PTPRN2: variants seen among roughly 807,000 people sequenced by gnomAD.
The protein encoded by PTPRN2 is receptor-type tyrosine-protein phosphatase N2.
Under a neutral mutation model 118.8 loss-of-function variants are expected in PTPRN2, and 74 were observed. That is an observed-to-expected ratio of 0.62 (90% CI 0.52 to 0.76). The LOEUF (loss-of-function observed/expected upper bound fraction) is 0.76. Ranked by LOEUF, PTPRN2 falls within the 30% of genes least tolerant of loss-of-function variation. The pLI, the probability that PTPRN2 is intolerant of heterozygous loss-of-function variation, is 0.00. For missense variants in PTPRN2, 1,481 were observed against 1,394.4 expected (o/e 1.06, Z -0.99); for synonymous variants, 641 against 608.0 (o/e 1.05, Z -0.80).
intron 10 of PTPRN2, among the ~76,000 whole-genome samples, chr7:158,097,974 G>C (rs116462600): frequency 6.6e-6 from 1 of 152,134 alleles, no homozygotes; most frequent in African/African-American, 2.4e-5. Context: ...CCGCGTGGCC[G>C]TGTCTCCCGC....
chr7:158,319,511 ACACACACAGCCTCCCT>A lies in PTPRN2; in HGVS notation c.164-2595_164-2580del, dbSNP rs1563131648. ...CCTCACACTCACACAGCCTCCCCCC[ACACACACAGCCTCCCT>A]CACACACACAGCCTCCCTCACACAC... is the stretch of plus-strand genomic sequence containing the variant. On this transcript the variant is annotated intron_variant, in intron 2 of 22. Coordinates refer to ENST00000389418, the MANE Select transcript of PTPRN2 (RefSeq NM_002847.5). Among the ~76,000 whole-genome samples, 26 of 71,264 alleles carry A rather than the reference ACACACACAGCCTCCCT, an allele frequency of 3.6e-4. 1 individual carries two copies. Among genetic ancestry groups the A allele is most frequent in the Admixed American group, 8.1e-4 (5 of 6,144 alleles). 46.8% of individuals were successfully genotyped at this position (71,264 alleles called of 152,430 possible). A position where few individuals can be genotyped will look rare whatever the true frequency, so the allele number is the denominator to read the frequency against.
intron 3 of PTPRN2, among the ~76,000 whole-genome samples, chr7:158,271,015 CTCCACCTGGACGG>C (rs1798451942): frequency 8.2e-6 from 1 of 121,502 alleles, no homozygotes; most frequent in South Asian, 2.9e-4. Flanking sequence ...TGGACCACCC[CTCCACCTGGACGG>C]CCCCCTCCAC....
At chr7:158,140,149 C>T (rs1310593936) in intron 6 of PTPRN2, among the ~76,000 whole-genome samples, 1 of 152,196 alleles carries the variant, frequency 6.6e-6, no homozygotes, top group African/African-American at 2.4e-5. Context: ...ATTATTACCA[C>T]TTTAAGGTAG....
At chr7:158,202,860 A>G (rs988248137) in intron 4 of PTPRN2, among the ~76,000 whole-genome samples, 2 of 152,244 alleles carry the variant, frequency 1.3e-5, no homozygotes, top group Admixed American at 6.5e-5. Context: ...TAAAGAACCT[A>G]TAATAAAAGA....
At chr7:158,293,463 G>A (rs1014110491) in intron 3 of PTPRN2, among the ~76,000 whole-genome samples, 2 of 151,120 alleles carry the variant, frequency 1.3e-5, no homozygotes, top group Middle Eastern at 3.2e-3. Flanking sequence ...GTAATCCCAG[G>A]TACTCGGGAG....
In PTPRN2 at chr7:157,610,056, C is replaced by G. The variant is rs1802240625; in HGVS notation, c.2345-5981G>C. On this transcript the variant is annotated intron_variant, in intron 15 of 22. Coordinates refer to ENST00000389418, the MANE Select transcript of PTPRN2 (RefSeq NM_002847.5). This position sits in a 1 kb window ranked among gnomAD's most constrained non-coding sequence, Gnocchi z 5.1. ...CGGAACATCGTCTTGCTACACAGAT[C>G]CCTGAGGACGGCATTCCCCCAGGCC... Among the ~76,000 whole-genome samples the G allele has an allele frequency of 6.6e-6, 1 of 152,202 alleles. No individual in the cohort carries two copies. Among genetic ancestry groups the G allele is most frequent in the Admixed American group, 6.5e-5 (1 of 15,286 alleles).
intron 10 of PTPRN2, among the ~76,000 whole-genome samples, chr7:158,085,313 G>A (rs1387275389): frequency 1.0e-5 from 1 of 97,306 alleles, no homozygotes; most frequent in Non-Finnish European, 1.9e-5. Context: ...CCACACCCAC[G>A]ACGCCCATTC....
chr7:157,746,651 C>T (rs1424161765), intron 12 of PTPRN2, among the ~76,000 whole-genome samples: 2 of 151,890 alleles, frequency 1.3e-5, no homozygotes, highest in Admixed American at 6.6e-5. Context: ...GGCCTCTATA[C>T]ACCCCACAGT....
Position 157,632,595 on chromosome 7 carries a change from C to T in PTPRN2, c.2197-11086G>A, listed in dbSNP as rs993208538. On this transcript the variant is annotated intron_variant, in intron 14 of 22. Coordinates refer to ENST00000389418, the MANE Select transcript of PTPRN2 (RefSeq NM_002847.5). This position sits in a 1 kb window ranked among gnomAD's most constrained non-coding sequence, Gnocchi z 4.3. ...GCAAGATATCATATTAGGGAGTGTG[C>T]GTAGGAGGGGGTGACAGGGGTCACC... Among the ~76,000 whole-genome samples the T allele has an allele frequency of 5.3e-5, 8 of 151,986 alleles. No homozygotes were observed. The highest frequency in any genetic ancestry group is 1.7e-4 in the African/African-American group (7 of 41,350).
chr7:158,389,391 C>A (rs552651749), intron 2 of PTPRN2, among the ~76,000 whole-genome samples: 1 of 152,356 alleles, frequency 6.6e-6, no homozygotes, highest in East Asian at 1.9e-4. Context: ...AATGCAAGTT[C>A]ATTAGAAAAG....
chr7:158,171,238 T>TAC (rs1554571557), intron 5 of PTPRN2, among the ~76,000 whole-genome samples: 2 of 63,920 alleles, frequency 3.1e-5, no homozygotes, highest in East Asian at 1.2e-3. Flanking sequence ...CACATATATA[T>TAC]ACACATATAT....
intron 11 of PTPRN2, among the ~76,000 whole-genome samples, chr7:157,913,424 A>G (rs1325254114): frequency 2.0e-5 from 3 of 152,200 alleles, no homozygotes; most frequent in Admixed American, 6.5e-5. Context: ...TGCCTGCTGA[A>G]CGGATCCTCC....
Position 158,587,707 on chromosome 7 carries a change from C to A in PTPRN2, c.-38G>T. On this transcript the variant is annotated 5_prime_UTR_variant, in exon 1 of 23. Transcript: ENST00000389418. ...GCCGGCGGCGCTCAGTCCATGGCCG[C>A]GCGGGAGGCGGCGGGAGGCGGCCGA... is the stretch of plus-strand genomic sequence containing the variant. The A allele has an allele frequency of 2.6e-6, 3 of 1,169,316 alleles. No homozygotes were observed. Among genetic ancestry groups the A allele is most frequent in the African/African-American group, 1.6e-5 (1 of 61,692 alleles). The allele number at this position is 1,169,316 out of a possible 1,614,324, so 72.4% of individuals were successfully genotyped here.
chr7:158,010,717 T>C (rs1805982256), intron 11 of PTPRN2, among the ~76,000 whole-genome samples: 1 of 152,284 alleles, frequency 6.6e-6, no homozygotes, highest in Admixed American at 6.5e-5. Flanking sequence ...GAGAAGTTTA[T>C]ATACTTTAAA....
intron 13 of PTPRN2, among the ~76,000 whole-genome samples, chr7:157,677,331 A>T (rs1796716568): frequency 6.6e-6 from 1 of 152,036 alleles, no homozygotes; most frequent in Non-Finnish European, 1.5e-5. Context: ...ATTAAGTCTG[A>T]TCTAATGACT....
intron 3 of PTPRN2, among the ~76,000 whole-genome samples, chr7:158,300,702 C>G (rs1190350935): frequency 6.6e-6 from 1 of 152,202 alleles, no homozygotes; most frequent in Non-Finnish European, 1.5e-5. Flanking sequence ...ACACAAACGA[C>G]CAAGGGTCCC....
intron 12 of PTPRN2, among the ~76,000 whole-genome samples, chr7:157,830,040 ACCACCCCCTC>A (rs1193969848): frequency 6.6e-6 from 1 of 151,274 alleles, no homozygotes; most frequent in East Asian, 1.9e-4. Flanking sequence ...CCCCCGTGTT[ACCACCCCCTC>A]CTGCCCCACC....
At chr7:158,523,582 A>G (rs1824439856) in intron 1 of PTPRN2, among the ~76,000 whole-genome samples, 1 of 110,756 alleles carries the variant, frequency 9.0e-6, no homozygotes, top group Admixed American at 1.1e-4. Context: ...TCTGCCCTGG[A>G]GTGGAGTCAT....
chr7:158,495,481 C>G (rs573954781), intron 1 of PTPRN2, among the ~76,000 whole-genome samples: 1 of 152,062 alleles, frequency 6.6e-6, no homozygotes, highest in Admixed American at 6.5e-5. Context: ...GCGCCCTGCC[C>G]ACTGCAGGGG....
Sources: allele counts gnomAD v4.1 joint callset (sites outside exome capture counted in the v4.1 genomes callset), GRCh38; gene constraint gnomAD v4.1.1; non-coding constraint Gnocchi (gnomAD v3.1); transcripts MANE v1.5; gene names NCBI Gene and HGNC (gene_info 2026-07-23, HGNC 2026-07-21).